The following FIGN variants were observed in gnomAD, a reference collection of about 807,000 sequenced individuals.
FIGN encodes fidgetin, microtubule severing factor.
A neutral mutation model predicts 51.3 loss-of-function variants in FIGN; 11 were observed. The observed-to-expected ratio is 0.21, with a 90% CI of 0.13 to 0.35. The LOEUF (loss-of-function observed/expected upper bound fraction) is 0.35, where lower values mean the gene tolerates loss of function less well. Ranked by LOEUF, FIGN falls within the 10% of genes least tolerant of loss-of-function variation. The probability of loss-of-function intolerance (pLI) is 1.00; values close to 1 mark genes in which losing one functional copy is unlikely to be tolerated. For synonymous variants in FIGN, 407 were observed against 363.2 expected (o/e 1.12, Z -1.37); for missense variants, 857 against 943.6 (o/e 0.91, Z 1.20).
chr2:163,654,078 A>C (rs1221766431), intron 2 of FIGN, among the ~76,000 whole-genome samples: 1 of 152,090 alleles, frequency 6.6e-6, no homozygotes, highest in African/African-American at 2.4e-5. Context: ...TGACCTATGA[A>C]TGAATAATCT....
At chr2:163,621,732 A>G (rs1032102121) in intron 2 of FIGN, among the ~76,000 whole-genome samples, 1 of 152,168 alleles carries the variant, frequency 6.6e-6, no homozygotes, top group Non-Finnish European at 1.5e-5. Flanking sequence ...GTTAAGGTGC[A>G]GTGTGAACGA....
At chr2:163,670,474 C>T (rs1683858965) in intron 2 of FIGN, among the ~76,000 whole-genome samples, 1 of 151,536 alleles carries the variant, frequency 6.6e-6, no homozygotes, top group South Asian at 2.1e-4. Context: ...GAGTCCAGAT[C>T]TGTCTATGTT....
At chr2:163,645,074 T>C (rs1268778920) in intron 2 of FIGN, among the ~76,000 whole-genome samples, 1 of 152,168 alleles carries the variant, frequency 6.6e-6, no homozygotes, top group African/African-American at 2.4e-5. Flanking sequence ...AATAAGTAAA[T>C]TGTATGGTAT....
intron 2 of FIGN, among the ~76,000 whole-genome samples, chr2:163,636,028 G>T (rs917442811): frequency 6.6e-6 from 1 of 152,138 alleles, no homozygotes; most frequent in African/African-American, 2.4e-5. Context: ...TGTTTTTCAA[G>T]AAATCTAAAG....
intron 2 of FIGN, among the ~76,000 whole-genome samples, chr2:163,640,409 G>A (rs544982292): frequency 1.4e-3 from 210 of 152,062 alleles, no homozygotes; most frequent in African/African-American, 4.7e-3. Flanking sequence ...CTCTGCCACC[G>A]TATCTCCTTA....
intron 2 of FIGN, among the ~76,000 whole-genome samples, chr2:163,614,227 T>C (rs1364870533): frequency 6.6e-6 from 1 of 152,018 alleles, no homozygotes; most frequent in African/African-American, 2.4e-5. Flanking sequence ...CACCGCAAAA[T>C]GGGTGAAATG....
chr2:163,641,675 G>GAA (rs1444453275), intron 2 of FIGN, among the ~76,000 whole-genome samples: 1 of 152,254 alleles, frequency 6.6e-6, no homozygotes, highest in Non-Finnish European at 1.5e-5. Flanking sequence ...TGCGGAAGAA[G>GAA]AAAATGAGAT....
At chr2:163,696,834 A>ATTT in intron 2 of FIGN, among the ~76,000 whole-genome samples, 1 of 135,730 alleles carries the variant, frequency 7.4e-6, no homozygotes, top group Admixed American at 7.5e-5. Context: ...TGTCTGGCTA[A>ATTT]TTTTTTTTTT....
rs973422874 is a variant in FIGN, at chr2:163,607,867, A to G, written c.*1685T>C. On this transcript the variant is annotated 3_prime_UTR_variant, in exon 3 of 3. Coordinates refer to ENST00000333129, the MANE Select transcript of FIGN (RefSeq NM_018086.4). ...ATTGCCAAACATCAGCCCACTATCAATGAAAGGTTGCACATAAAGCATTAA... is the reference window on the plus strand; with the variant it reads ...ATTGCCAAACATCAGCCCACTATCAGTGAAAGGTTGCACATAAAGCATTAA... 1.3e-5 allele frequency: 2 copies of G among 152,776 alleles called. No homozygotes were observed. Among genetic ancestry groups the G allele is most frequent in the Non-Finnish European group, 2.9e-5 (2 of 68,050 alleles). 9.5% of individuals were successfully genotyped at this position (152,776 alleles called of 1,614,324 possible). A position where few individuals can be genotyped will look rare whatever the true frequency, so the allele number is the denominator to read the frequency against.
chr2:163,707,202 A>G (rs1684513636), intron 2 of FIGN, among the ~76,000 whole-genome samples: 1 of 152,068 alleles, frequency 6.6e-6, no homozygotes, highest in African/African-American at 2.4e-5. Context: ...CAAAAAAATT[A>G]GCTGGGTATG....
chr2:163,732,805 G>A (rs757056045), intron 2 of FIGN, among the ~76,000 whole-genome samples: 24 of 152,136 alleles, frequency 1.6e-4, no homozygotes, highest in Non-Finnish European at 3.1e-4. Flanking sequence ...CTAACTTTTA[G>A]AGGATCAATG....
At chr2:163,721,000 AG>A (rs924268735) in intron 2 of FIGN, among the ~76,000 whole-genome samples, 1 of 152,126 alleles carries the variant, frequency 6.6e-6, no homozygotes, top group Non-Finnish European at 1.5e-5. Context: ...ATAAAAAGAA[AG>A]GGAAGGAAGG....
chr2:163,639,198 C>G (rs1683270372), intron 2 of FIGN, among the ~76,000 whole-genome samples: 1 of 152,106 alleles, frequency 6.6e-6, no homozygotes, highest in Non-Finnish European at 1.5e-5. Context: ...CTTTACCTCT[C>G]AAGTGTGGTT....
intron 2 of FIGN, among the ~76,000 whole-genome samples, chr2:163,614,042 T>C (rs1682824065): frequency 6.6e-6 from 1 of 152,192 alleles, no homozygotes; most frequent in Admixed American, 6.5e-5. Flanking sequence ...TAAAACTTTA[T>C]ATATTATTAA....
At chr2:163,656,543 TA>T (rs977916087) in intron 2 of FIGN, among the ~76,000 whole-genome samples, 5 of 152,118 alleles carry the variant, frequency 3.3e-5, no homozygotes, top group African/African-American at 1.2e-4. Context: ...ACTTCTGTTG[TA>T]TGCCATGCCT....
chr2:163,612,645 T>C (rs1682777716), intron 2 of FIGN: 8 of 983,374 alleles, frequency 8.1e-6, no homozygotes, highest in Non-Finnish European at 9.7e-6. Flanking sequence ...CTCCTTCTCT[T>C]ATAATCCCTC....
rs1164767303 is a variant in FIGN, at chr2:163,605,516, A to C, written c.*4036T>G. On this transcript the variant is annotated 3_prime_UTR_variant, in exon 3 of 3. Transcript: ENST00000333129. ...ATCATGTGTATCTCTGCACATATGA[A>C]GAAAGGAAGTAACAAGTTGCTTCTG... 6.6e-6 allele frequency: 1 copy of C among 152,164 alleles called. No homozygotes were observed. Among genetic ancestry groups the C allele is most frequent in the Non-Finnish European group, 1.5e-5 (1 of 68,018 alleles). The allele number at this position is 152,164 out of a possible 1,614,324, so 9.4% of individuals were successfully genotyped here.
chr2:163,620,315 A>G (rs1030680608), intron 2 of FIGN, among the ~76,000 whole-genome samples: 4 of 152,024 alleles, frequency 2.6e-5, no homozygotes, highest in Non-Finnish European at 5.9e-5. Flanking sequence ...ACATTTTTCA[A>G]TCCATTAAGG....
rs774446293 is a variant in FIGN, at chr2:163,610,554, T to C, written c.1278A>G (p.Val426=). ...TGTGCTCGTCCCCATGCTCACTCATTACTGGCGATGTGTACTTCCCAAAGG... is the reference window on the plus strand; with the variant it reads ...TGTGCTCGTCCCCATGCTCACTCATCACTGGCGATGTGTACTTCCCAAAGG... ...SESFGKYTSP[V]MSEHGDEHRQ... is the part of the protein sequence containing the mutation. The change falls in exon 3 of 3, where the codon GTA becomes GTG. Residue 426 remains valine, a synonymous_variant. Transcript: ENST00000333129. 3.7e-6 allele frequency: 6 copies of C among 1,614,164 alleles called. No homozygotes were observed. Among genetic ancestry groups the C allele is most frequent in the Non-Finnish European group, 5.1e-6 (6 of 1,180,028 alleles).
Sources: allele counts gnomAD v4.1 joint callset (sites outside exome capture counted in the v4.1 genomes callset), GRCh38; gene constraint gnomAD v4.1.1; transcripts MANE v1.5; gene names NCBI Gene and HGNC (gene_info 2026-07-23, HGNC 2026-07-21).